IGF2BP3: variants seen among roughly 807,000 people sequenced by gnomAD.
The protein encoded by IGF2BP3 is insulin like growth factor 2 mRNA binding protein 3, also known as insulin-like growth factor 2 mRNA-binding protein 3.
In IGF2BP3, 9 loss-of-function variants were observed where a neutral mutation model predicts 73.8. That is an observed-to-expected ratio of 0.12 (90% CI 0.07 to 0.21). The LOEUF (loss-of-function observed/expected upper bound fraction) is 0.21, where lower values mean the gene tolerates loss of function less well. IGF2BP3 is among the 10% of genes least tolerant of loss of function. IGF2BP3 has a pLI of 1.00. For missense variants in IGF2BP3, 542 were observed against 714.0 expected (o/e 0.76, Z 2.75); for synonymous variants, 258 against 256.7 (o/e 1.01, Z -0.05).
intron 3 of IGF2BP3, among the ~76,000 whole-genome samples, chr7:23,371,172 C>T (rs1376141342): frequency 6.6e-6 from 1 of 152,054 alleles, no homozygotes; most frequent in Non-Finnish European, 1.5e-5. Context: ...CACACACACA[C>T]ACACACCCTT....
chr7:23,395,384 C>T (rs1236550245), intron 3 of IGF2BP3, among the ~76,000 whole-genome samples: 1 of 151,976 alleles, frequency 6.6e-6, no homozygotes, highest in East Asian at 1.9e-4. Flanking sequence ...CCATTTGCCA[C>T]CACCAAAAAA....
In IGF2BP3 at chr7:23,310,965, C is replaced by T. The variant is rs766719941; in HGVS notation, c.*1397G>A. 5.3e-5 allele frequency: 8 copies of T among 152,020 alleles called. No individual in the cohort carries two copies. Among genetic ancestry groups the T allele is most frequent in the Non-Finnish European group, 1.0e-4 (7 of 68,006 alleles). The allele number at this position is 152,020 out of a possible 1,614,324, so 9.4% of individuals were successfully genotyped here. A position where few individuals can be genotyped will look rare whatever the true frequency, so the allele number is the denominator to read the frequency against. ...CTGTCAAGGAGTGAGCAAATGAGTT[C>T]GTTATCAAAGGTCATATGTTTTCAC... On this transcript the variant is annotated 3_prime_UTR_variant, in exon 15 of 15. Transcript: ENST00000258729.
At chr7:23,400,327 G>T (rs914151239) in intron 3 of IGF2BP3, among the ~76,000 whole-genome samples, 1 of 152,006 alleles carries the variant, frequency 6.6e-6, no homozygotes, top group Non-Finnish European at 1.5e-5. Flanking sequence ...TTCACCATTA[G>T]AAGAAGTAGT....
intron 3 of IGF2BP3, among the ~76,000 whole-genome samples, chr7:23,374,744 G>C (rs993847861): frequency 2.0e-5 from 3 of 152,064 alleles, no homozygotes; most frequent in Non-Finnish European, 4.4e-5. Context: ...GATATCGGGG[G>C]AAATTCACCC....
chr7:23,401,822 G>A (rs566603718), intron 3 of IGF2BP3, among the ~76,000 whole-genome samples: 26 of 149,756 alleles, frequency 1.7e-4, no homozygotes, highest in Middle Eastern at 3.8e-3. Context: ...AGTCTAGGCC[G>A]GGCACGGTGG....
Position 23,468,519 on chromosome 7 carries a change from G to A in IGF2BP3, c.199C>T (p.Pro67Ser). 6.2e-7 allele frequency: 1 copy of A among 1,614,220 alleles called. No homozygotes were observed. Among genetic ancestry groups the A allele is most frequent in the Non-Finnish European group, 8.5e-7 (1 of 1,180,028 alleles). The part of the protein sequence containing the change: ...LSGKIELHGK[P>S]IEVEHSVPKR... ...GGGACCGAGTGCTCAACTTCTATGG[G>A]TTTCCCGTGCAGTTCTATTTTACCT... Residue 67 changes from proline to serine, a missense_variant, in exon 2 of 15, where the codon CCC (proline) becomes TCC (serine). Pro to Ser is a moderately conservative substitution (Grantham distance 74). Coordinates refer to ENST00000258729, the MANE Select transcript of IGF2BP3 (RefSeq NM_006547.3).
At chr7:23,321,664 A>T (rs1562669996) in intron 10 of IGF2BP3, among the ~76,000 whole-genome samples, 1 of 152,218 alleles carries the variant, frequency 6.6e-6, no homozygotes. Flanking sequence ...TGCAGACTTA[A>T]ATGTCCCTGT....
chr7:23,360,251 A>G (rs1319978248), intron 5 of IGF2BP3, among the ~76,000 whole-genome samples: 1 of 152,204 alleles, frequency 6.6e-6, no homozygotes, highest in Non-Finnish European at 1.5e-5. Flanking sequence ...GCAAAAACAG[A>G]TTCACTACAA....
intron 2 of IGF2BP3, among the ~76,000 whole-genome samples, chr7:23,435,229 G>A (rs1433082597): frequency 2.1e-5 from 3 of 141,858 alleles, no homozygotes; most frequent in East Asian, 4.5e-4. Flanking sequence ...GGAGGCGGAG[G>A]TTGCAGTGAA....
rs545566770 is a variant in IGF2BP3, at chr7:23,427,331, A to AATT, written c.237-8508_237-8507insAAT. Among the ~76,000 whole-genome samples the AATT allele has an allele frequency of 1.1e-3, 172 of 152,310 alleles. 5 individuals carry two copies. The highest frequency in any genetic ancestry group is 3.9e-3 in the African/African-American group (164 of 41,578). ...CCCGTTTCCCTATAGGAAACTCAAT[A>AATT]AAGTATCTATCATTGGCTTTTCCTC... On this transcript the variant is annotated intron_variant, in intron 2 of 14. Coordinates refer to ENST00000258729, the MANE Select transcript of IGF2BP3 (RefSeq NM_006547.3).
At chr7:23,359,670 A>T (rs988064573) in intron 5 of IGF2BP3, among the ~76,000 whole-genome samples, 3 of 152,144 alleles carry the variant, frequency 2.0e-5, no homozygotes, top group African/African-American at 4.8e-5. Context: ...AACATGGTGA[A>T]ACCCCATGTC....
intron 3 of IGF2BP3, among the ~76,000 whole-genome samples, chr7:23,372,596 G>C (rs1306294109): frequency 6.6e-6 from 1 of 152,028 alleles, no homozygotes; most frequent in African/African-American, 2.4e-5. Flanking sequence ...CCATTCCTGA[G>C]TTACTTCACT....
At chr7:23,417,754 C>T (rs879920426) in intron 3 of IGF2BP3, among the ~76,000 whole-genome samples, 1 of 152,106 alleles carries the variant, frequency 6.6e-6, no homozygotes, top group Non-Finnish European at 1.5e-5. Context: ...TACTGAATTC[C>T]CTAAATAAAT....
At chr7:23,447,081 G>A (rs941748279) in intron 2 of IGF2BP3, among the ~76,000 whole-genome samples, 9 of 151,934 alleles carry the variant, frequency 5.9e-5, no homozygotes, top group African/African-American at 2.2e-4. Context: ...GCGGGCACCT[G>A]TAATCCCAGC....
chr7:23,382,518 C>T (rs1785944264), intron 3 of IGF2BP3, among the ~76,000 whole-genome samples: 1 of 151,990 alleles, frequency 6.6e-6, no homozygotes. Flanking sequence ...TCAAGCACTA[C>T]ATCTGTCAGG....
intron 2 of IGF2BP3, among the ~76,000 whole-genome samples, chr7:23,435,856 CA>C (rs1487644224): frequency 6.6e-4 from 100 of 152,316 alleles, no homozygotes; most frequent in African/African-American, 2.3e-3. Flanking sequence ...TTCCCAGGTT[CA>C]AGTGATTCTT....
intron 3 of IGF2BP3, among the ~76,000 whole-genome samples, chr7:23,387,535 G>GT (rs1331771023): frequency 8.1e-6 from 1 of 123,778 alleles, no homozygotes; most frequent in South Asian, 2.3e-4. Context: ...CCATACTCAA[G>GT]TATTAATGTT....
chr7:23,350,700 G>T (rs907547660), intron 6 of IGF2BP3, among the ~76,000 whole-genome samples: 12 of 152,226 alleles, frequency 7.9e-5, no homozygotes, highest in Non-Finnish European at 2.9e-5. Flanking sequence ...GGCTACAGTA[G>T]TGAATAAAAC....
At position 23,311,475 on chromosome 7, in the gene IGF2BP3, G is replaced by A. The variant is rs1783827418; in HGVS notation, c.*887C>T. The A allele has an allele frequency of 6.6e-6, 1 of 152,496 alleles. No individual in the cohort carries two copies. Among genetic ancestry groups the A allele is most frequent in the Admixed American group, 6.5e-5 (1 of 15,274 alleles). The allele number at this position is 152,496 out of a possible 1,614,324, so 9.4% of individuals were successfully genotyped here. On this transcript the variant is annotated 3_prime_UTR_variant, in exon 15 of 15. Transcript: ENST00000258729. ...TTCCAAAATCTCCTGCGACCACTTT[G>A]TTAGTACCGTCAAAAACTTTCCCAA...
Sources: gnomAD v4.1 joint callset for allele counts (sites outside exome capture counted in the v4.1 genomes callset) on GRCh38, gnomAD v4.1.1 for gene constraint, MANE v1.5 for transcripts, NCBI Gene and HGNC (gene_info 2026-07-23, HGNC 2026-07-21) for gene names.